Variants in BRINP3 observed in about 807,000 individuals in gnomAD.
The protein encoded by BRINP3 is BMP/retinoic acid-inducible neural-specific protein 3.
A neutral mutation model predicts 71.0 loss-of-function variants in BRINP3; 19 were observed. The observed-to-expected ratio is 0.27, with a 90% CI of 0.19 to 0.39. BRINP3 has a LOEUF of 0.39. Among genes scored for constraint, BRINP3 ranks in the 10% least tolerant of loss-of-function variants. The probability of loss-of-function intolerance (pLI) is 1.00; values close to 1 mark genes in which losing one functional copy is unlikely to be tolerated. For missense variants in BRINP3, 959 were observed against 940.8 expected (o/e 1.02, Z -0.25); for synonymous variants, 380 against 337.7 (o/e 1.13, Z -1.37).
chr1:190,099,696 T>C (rs1405207411), intron 7 of BRINP3, among the ~76,000 whole-genome samples: 1 of 152,122 alleles, frequency 6.6e-6, no homozygotes, highest in Non-Finnish European at 1.5e-5. Flanking sequence ...GATGCTAGGG[T>C]TGTCATCAAC....
At chr1:190,122,472 A>G (rs762290461) in intron 7 of BRINP3, among the ~76,000 whole-genome samples, 5 of 151,414 alleles carry the variant, frequency 3.3e-5, no homozygotes, top group African/African-American at 4.8e-5. Context: ...GAAGAAAGCC[A>G]TTTGACATCA....
At chr1:190,254,507 T>G (rs990425068) in intron 4 of BRINP3, among the ~76,000 whole-genome samples, 1 of 152,184 alleles carries the variant, frequency 6.6e-6, no homozygotes, top group Non-Finnish European at 1.5e-5. Flanking sequence ...TAAGTTGGAT[T>G]CCTAGGTATT....
chr1:190,275,654 C>T (rs1662492662), intron 3 of BRINP3, among the ~76,000 whole-genome samples: 1 of 151,466 alleles, frequency 6.6e-6, no homozygotes, highest in African/African-American at 2.4e-5. Context: ...AAAAAGTAGA[C>T]AAGTAATTTA....
rs113789970 is a variant in BRINP3 at position 190,304,431 on chromosome 1, A to T, written c.237-22681T>A. 2.0e-5 allele frequency among the ~76,000 whole-genome samples: 3 copies of T among 152,056 alleles called. 1 individual carries two copies. The highest frequency in any genetic ancestry group is 7.2e-5 in the African/African-American group (3 of 41,546). ...AACTGATACTGGTATAAGAACAGAC[A>T]CATAGACCAATGAAACAGAAGAGAG... On this transcript the variant is annotated intron_variant, in intron 2 of 7. Coordinates refer to ENST00000367462, the MANE Select transcript of BRINP3 (RefSeq NM_199051.3).
At chr1:190,463,467 C>G (rs939363100) in intron 1 of BRINP3, among the ~76,000 whole-genome samples, 2 of 151,224 alleles carry the variant, frequency 1.3e-5, no homozygotes. Context: ...CATCATTTGC[C>G]AAGAAATATC....
At chr1:190,469,832 C>T (rs1484629481) in intron 1 of BRINP3, among the ~76,000 whole-genome samples, 1 of 150,660 alleles carries the variant, frequency 6.6e-6, no homozygotes, top group African/African-American at 2.4e-5. Flanking sequence ...TATATAGAAC[C>T]CAATCATACT....
chr1:190,454,875 T>G lies in BRINP3; in HGVS notation c.16A>C (p.Arg6=). 1 of 1,614,014 alleles carries G rather than the reference T, an allele frequency of 6.2e-7. No individual in the cohort carries two copies. The highest frequency in any genetic ancestry group is 8.5e-7 in the Non-Finnish European group (1 of 1,179,868). ...AGAGAGAACAATTCAGCACCAGCTCTGCTTCGCCATATCATGCTTCCACTG... is the reference window on the plus strand; with the variant it reads ...AGAGAGAACAATTCAGCACCAGCTCGGCTTCGCCATATCATGCTTCCACTG... The part of the protein sequence containing the change: MIWRS[R]AGAELFSLMA... Residue 6 remains arginine (R), a synonymous_variant, in exon 2 of 8, where the codon AGA becomes CGA. Coordinates refer to ENST00000367462, the MANE Select transcript of BRINP3 (RefSeq NM_199051.3).
intron 2 of BRINP3, among the ~76,000 whole-genome samples, chr1:190,290,526 C>A (rs1247461355): frequency 6.6e-6 from 1 of 152,062 alleles, no homozygotes; most frequent in Non-Finnish European, 1.5e-5. Flanking sequence ...TAATTTTTCA[C>A]TGATTAGCAG....
intron 2 of BRINP3, among the ~76,000 whole-genome samples, chr1:190,301,549 A>G (rs562614830): frequency 6.6e-6 from 1 of 151,768 alleles, no homozygotes; most frequent in Admixed American, 6.6e-5. Context: ...CCTTCCAAAC[A>G]ATTTTATGTA....
rs978173625 is a variant in BRINP3 at position 190,315,140 on chromosome 1, A to G, written c.237-33390T>C. Among the ~76,000 whole-genome samples, 7 of 152,166 alleles carry G rather than the reference A, an allele frequency of 4.6e-5. No homozygotes were observed. In the East Asian group the frequency reaches 1.2e-3, roughly 25 times the overall value. ...GAAGAAAGTTATTGAAGACTTTGAT[A>G]AAATTAAAAACAGAGTCACATAAGA... On this transcript the variant is annotated intron_variant, in intron 2 of 7. Coordinates refer to ENST00000367462, the MANE Select transcript of BRINP3 (RefSeq NM_199051.3).
chr1:190,211,984 C>A (rs892066610), intron 6 of BRINP3, among the ~76,000 whole-genome samples: 1 of 152,080 alleles, frequency 6.6e-6, no homozygotes, highest in African/African-American at 2.4e-5. Flanking sequence ...AATACCCTCC[C>A]TGGTACTGGA....
At chr1:190,333,501 T>C (rs1260898376) in intron 2 of BRINP3, among the ~76,000 whole-genome samples, 2 of 151,944 alleles carry the variant, frequency 1.3e-5, no homozygotes, top group African/African-American at 4.8e-5. Context: ...TCAAACTAAA[T>C]ATGCATTATT....
At chr1:190,188,063 G>A (rs995208221) in intron 6 of BRINP3, among the ~76,000 whole-genome samples, 37 of 151,872 alleles carry the variant, frequency 2.4e-4, no homozygotes, top group Admixed American at 2.0e-3. Flanking sequence ...TTTTATCAGT[G>A]TTTTATAGTT....
intron 6 of BRINP3, among the ~76,000 whole-genome samples, chr1:190,199,185 A>G (rs1654767626): frequency 6.6e-6 from 1 of 152,170 alleles, no homozygotes; most frequent in East Asian, 1.9e-4. Context: ...ACCCATTTCC[A>G]TCATTCAATT....
chr1:190,463,408 A>G (rs1676524121), intron 1 of BRINP3, among the ~76,000 whole-genome samples: 1 of 151,644 alleles, frequency 6.6e-6, no homozygotes, highest in African/African-American at 2.4e-5. Context: ...TTAAGTGATA[A>G]TAGCGTGAAA....
At chr1:190,242,799 GA>G (rs1158237367) in intron 4 of BRINP3, among the ~76,000 whole-genome samples, 2 of 151,938 alleles carry the variant, frequency 1.3e-5, no homozygotes, top group African/African-American at 2.4e-5. Flanking sequence ...TTAACCATAG[GA>G]AAAAAATGTA....
intron 6 of BRINP3, among the ~76,000 whole-genome samples, chr1:190,211,505 T>C (rs1655988201): frequency 6.6e-6 from 1 of 152,118 alleles, no homozygotes; most frequent in Non-Finnish European, 1.5e-5. Flanking sequence ...AGATATATTT[T>C]GTTATCTCAT....
At chr1:190,323,955 G>A (rs529393986) in intron 2 of BRINP3, among the ~76,000 whole-genome samples, 2 of 151,790 alleles carry the variant, frequency 1.3e-5, no homozygotes, top group African/African-American at 4.8e-5. Context: ...TATTGGAAAG[G>A]TATGCTTCTG....
At chr1:190,147,115 A>T (rs1407440719) in intron 7 of BRINP3, among the ~76,000 whole-genome samples, 1 of 151,936 alleles carries the variant, frequency 6.6e-6, no homozygotes, top group East Asian at 1.9e-4. Flanking sequence ...GTAGCTAGCA[A>T]ATTTCTTTAA....
Sources: allele counts gnomAD v4.1 joint callset (sites outside exome capture counted in the v4.1 genomes callset), GRCh38; gene constraint gnomAD v4.1.1; transcripts MANE v1.5; gene names NCBI Gene and HGNC (gene_info 2026-07-23, HGNC 2026-07-21).